Variants in NALCN observed in about 807,000 individuals in gnomAD.
NALCN encodes sodium leak channel, non-selective.
In NALCN, 111 loss-of-function variants were observed where a neutral mutation model predicts 225.3. The ratio of observed to expected loss-of-function variants is 0.49; its 90% CI spans 0.42 to 0.58. The LOEUF (loss-of-function observed/expected upper bound fraction) is 0.58. Ranked by LOEUF, NALCN falls within the 20% of genes least tolerant of loss-of-function variation. The probability of loss-of-function intolerance (pLI) is 0.00; values close to 1 mark genes in which losing one functional copy is unlikely to be tolerated. For synonymous variants in NALCN, 764 were observed against 769.0 expected (o/e 0.99, Z 0.11); for missense variants, 1,378 against 2,202.4 (o/e 0.63, Z 7.49).
At chr13:101,096,529 A>G (rs2034512381) in intron 27 of NALCN, among the ~76,000 whole-genome samples, 1 of 152,232 alleles carries the variant, frequency 6.6e-6, no homozygotes. Context: ...CTCTATAGAG[A>G]CAAAAAGAAT....
At chr13:101,282,130 T>C (rs890452765) in intron 10 of NALCN, among the ~76,000 whole-genome samples, 8 of 152,250 alleles carry the variant, frequency 5.3e-5, no homozygotes, top group Admixed American at 5.2e-4. Context: ...AGAACTACCA[T>C]ATGATCCCAC....
At chr13:101,316,200 G>A (rs2044548410) in intron 7 of NALCN, among the ~76,000 whole-genome samples, 2 of 152,096 alleles carry the variant, frequency 1.3e-5, no homozygotes, top group Admixed American at 6.5e-5. Flanking sequence ...TAAATGCCTT[G>A]TCCTCTTCCT....
intron 13 of NALCN, among the ~76,000 whole-genome samples, chr13:101,211,875 G>C (rs2140079187): frequency 6.6e-6 from 1 of 151,496 alleles, no homozygotes; most frequent in Admixed American, 6.6e-5. Flanking sequence ...ATAAATTCTT[G>C]TCTTTCATCA....
In NALCN at chr13:101,359,630, G is replaced by A. The variant is rs190648224; in HGVS notation, c.645-14210C>T. Among the ~76,000 whole-genome samples, 13 of 152,246 alleles carry A rather than the reference G, an allele frequency of 8.5e-5. No individual in the cohort carries two copies. In the East Asian group the frequency reaches 2.5e-3, roughly 29 times the overall value. On this transcript the variant is annotated intron_variant, in intron 6 of 43. Coordinates refer to ENST00000251127, the MANE Select transcript of NALCN (RefSeq NM_052867.4). ...TTAGGTATCTTTATGCAGCTGATGT[G>A]CATAAACCATCACATTTAATCTGGC... is the stretch of plus-strand genomic sequence containing the variant.
chr13:101,197,922 C>A (rs1401691545), intron 13 of NALCN, among the ~76,000 whole-genome samples: 1 of 152,122 alleles, frequency 6.6e-6, no homozygotes, highest in Non-Finnish European at 1.5e-5. Context: ...TCTGCATGAA[C>A]AGAATTTAAG....
intron 14 of NALCN, among the ~76,000 whole-genome samples, chr13:101,189,537 G>A (rs1029942545): frequency 2.6e-5 from 4 of 152,120 alleles, no homozygotes; most frequent in South Asian, 2.1e-4. Context: ...CTCACTTTCC[G>A]ATACAAACAA....
At chr13:101,403,460 C>T (rs73566019) in intron 1 of NALCN, among the ~76,000 whole-genome samples, 3,251 of 152,288 alleles carry the variant, frequency 0.021, 106 homozygotes, top group East Asian at 0.11. Flanking sequence ...AATGCCAATC[C>T]CACATCAGTC....
chr13:101,247,973 A>C (rs1246264156), intron 11 of NALCN, among the ~76,000 whole-genome samples: 6 of 152,162 alleles, frequency 3.9e-5, no homozygotes, highest in Non-Finnish European at 5.9e-5. Flanking sequence ...CGATCTATCC[A>C]TGTCCCTGCA....
At position 101,080,042 on chromosome 13, in the gene NALCN, C is replaced by T. The variant is rs531559492; in HGVS notation, c.3885+1485G>A. On this transcript the variant is annotated intron_variant, in intron 34 of 43. Transcript: ENST00000251127. ...AAGAAGGTAATTATAATAATGCCTA[C>T]AGGCTTGTATAATCTTTCTAGTTCA... is the stretch of plus-strand genomic sequence containing the variant. 9.2e-5 allele frequency among the ~76,000 whole-genome samples: 14 copies of T among 152,320 alleles called. 1 individual carries two copies. The South Asian group carries it at 2.9e-3, about 32-fold the overall frequency.
chr13:101,324,456 G>T (rs526383), intron 7 of NALCN, among the ~76,000 whole-genome samples: 49,635 of 152,024 alleles, frequency 0.33, 8,617 homozygotes, highest in Non-Finnish European at 0.4. Context: ...AACAATTGTC[G>T]AGCAGTGGTT....
rs139842599 is a variant in NALCN at position 101,181,068 on chromosome 13, GC to G, written c.1765-4695del. 2,017 of 518,710 alleles carry G rather than the reference GC, an allele frequency of 3.9e-3. 32 individuals are homozygous for G. The highest frequency in any genetic ancestry group is 0.036 in the African/African-American group (1,881 of 52,054). 32.1% of individuals were successfully genotyped at this position (518,710 alleles called of 1,614,324 possible). ...TTGGAGAGCCCATCTGGGCACATGGGCCAGGGGGGCACTTTCCGAACACTAC... is the reference window on the plus strand; with the variant it reads ...TTGGAGAGCCCATCTGGGCACATGGGCAGGGGGGCACTTTCCGAACACTAC... On this transcript the variant is annotated intron_variant, in intron 14 of 43. Coordinates refer to ENST00000251127, the MANE Select transcript of NALCN (RefSeq NM_052867.4).
At chr13:101,113,174 T>G (rs910273376) in intron 18 of NALCN, among the ~76,000 whole-genome samples, 1 of 152,174 alleles carries the variant, frequency 6.6e-6, no homozygotes, top group Non-Finnish European at 1.5e-5. Context: ...ACGAGAACAT[T>G]CTGAAAAATC....
chr13:101,230,461 A>AT (rs1265307564), intron 12 of NALCN, among the ~76,000 whole-genome samples: 5 of 152,206 alleles, frequency 3.3e-5, no homozygotes, highest in African/African-American at 1.2e-4. Context: ...TAGCCTACAC[A>AT]TTCCAGTCTC....
intron 6 of NALCN, among the ~76,000 whole-genome samples, chr13:101,364,921 C>T (rs1432721159): frequency 1.3e-5 from 2 of 151,992 alleles, no homozygotes; most frequent in African/African-American, 4.8e-5. Flanking sequence ...ACGTCATAGA[C>T]CGTTGCATGA....
intron 34 of NALCN, among the ~76,000 whole-genome samples, chr13:101,079,428 G>T (rs2033479065): frequency 6.6e-6 from 1 of 152,106 alleles, no homozygotes; most frequent in African/African-American, 2.4e-5. Flanking sequence ...CCTTCTTCCA[G>T]CTCTGTCATC....
In NALCN at chr13:101,058,061, A is replaced by G; in HGVS notation, c.4906-5T>C. 6.2e-7 allele frequency: 1 copy of G among 1,610,558 alleles called. No homozygotes were observed. The highest frequency in any genetic ancestry group is 1.1e-5 in the South Asian group (1 of 90,938). On this transcript the variant is annotated splice_region_variant and splice_polypyrimidine_tract_variant and intron_variant, in intron 42 of 43. Coordinates refer to ENST00000251127, the MANE Select transcript of NALCN (RefSeq NM_052867.4). ...GAGCTGCTGCTGGCTGCTTGTCTGCATGGGAGGAGAAGCACACAGTTACCG... is the reference window on the plus strand; with the variant it reads ...GAGCTGCTGCTGGCTGCTTGTCTGCGTGGGAGGAGAAGCACACAGTTACCG...
intron 3 of NALCN, among the ~76,000 whole-genome samples, chr13:101,384,405 T>C (rs1443232866): frequency 6.6e-6 from 1 of 151,682 alleles, no homozygotes; most frequent in African/African-American, 2.4e-5. Flanking sequence ...CAATCAACGA[T>C]AAGGTAAGAA....
At chr13:101,220,562 CCTT>C (rs2040897928) in intron 13 of NALCN, among the ~76,000 whole-genome samples, 1 of 152,132 alleles carries the variant, frequency 6.6e-6, no homozygotes, top group African/African-American at 2.4e-5. Flanking sequence ...AAAATATACT[CCTT>C]CTAGTCACTT....
chr13:101,245,464 T>C (rs1170303924), intron 11 of NALCN, among the ~76,000 whole-genome samples: 2 of 152,156 alleles, frequency 1.3e-5, no homozygotes, highest in Non-Finnish European at 2.9e-5. Context: ...CACCACCTCA[T>C]GGAGTTTTGA....
Sources: allele counts gnomAD v4.1 joint callset (sites outside exome capture counted in the v4.1 genomes callset), GRCh38; gene constraint gnomAD v4.1.1; transcripts MANE v1.5; gene names NCBI Gene and HGNC (gene_info 2026-07-23, HGNC 2026-07-21).